HTR2C: variants seen among roughly 807,000 people sequenced by gnomAD.
HTR2C encodes 5-hydroxytryptamine (serotonin) receptor 2C, G protein-coupled.
In HTR2C, 5 loss-of-function variants were observed where a neutral mutation model predicts 21.0. The ratio of observed to expected loss-of-function variants is 0.24; its 90% CI spans 0.12 to 0.50. The LOEUF (loss-of-function observed/expected upper bound fraction) is 0.50, where lower values mean the gene tolerates loss of function less well. Ranked by LOEUF, HTR2C falls within the 20% of genes least tolerant of loss-of-function variation. The pLI is 0.98. For synonymous variants in HTR2C, 150 were observed against 145.3 expected (o/e 1.03, Z -0.23); for missense variants, 271 against 371.2 (o/e 0.73, Z 2.22).
chrX:114,836,525 G>A (rs1439894250), intron 4 of HTR2C, among the ~76,000 whole-genome samples: 1 of 112,317 alleles, frequency 8.9e-6, no homozygotes, highest in African/African-American at 3.2e-5. Flanking sequence ...CTGACCCCTT[G>A]CGCTTCCCAA....
chrX:114,851,627 G>T (rs1017851075), intron 5 of HTR2C, among the ~76,000 whole-genome samples: 7 of 111,174 alleles, frequency 6.3e-5, no homozygotes, highest in Non-Finnish European at 1.1e-4. Flanking sequence ...GGATTCTTTT[G>T]TATTCAGTGT....
At chrX:114,843,057 A>T (rs1370280853) in intron 4 of HTR2C, among the ~76,000 whole-genome samples, 1 of 111,907 alleles carries the variant, frequency 8.9e-6, no homozygotes, top group East Asian at 2.8e-4. Flanking sequence ...TTTTACCAAG[A>T]TTAAAAAGCA....
intron 4 of HTR2C, among the ~76,000 whole-genome samples, chrX:114,788,293 C>T (rs2070197777): frequency 9.1e-6 from 1 of 110,423 alleles, no homozygotes; most frequent in Non-Finnish European, 1.9e-5. Flanking sequence ...GGAGTTTCAT[C>T]CTTGTTGCCC....
At chrX:114,699,746 C>G in intron 2 of HTR2C, among the ~76,000 whole-genome samples, 1 of 111,912 alleles carries the variant, frequency 8.9e-6, no homozygotes, top group Middle Eastern at 4.8e-3. Flanking sequence ...AAGTCTACCT[C>G]CACAACTTCA....
At chrX:114,677,333 A>G (rs1556412909) in intron 2 of HTR2C, among the ~76,000 whole-genome samples, 2 of 111,634 alleles carry the variant, frequency 1.8e-5, no homozygotes, top group African/African-American at 6.5e-5. Flanking sequence ...ATGAAAGTTG[A>G]TGAGGGCCTA....
At chrX:114,854,777 A>T (rs1215108086) in intron 5 of HTR2C, among the ~76,000 whole-genome samples, 2 of 111,749 alleles carry the variant, frequency 1.8e-5, no homozygotes, top group Non-Finnish European at 3.8e-5. Flanking sequence ...CCACAGAGTG[A>T]ACAGATAACC....
intron 2 of HTR2C, among the ~76,000 whole-genome samples, chrX:114,687,757 G>C (rs781936967): frequency 6.7e-4 from 75 of 111,142 alleles, no homozygotes; most frequent in African/African-American, 1.7e-3. Context: ...CTTAACCAAC[G>C]GTCTCTTAAT....
intron 2 of HTR2C, among the ~76,000 whole-genome samples, chrX:114,723,348 G>A (rs1329590682): frequency 9.0e-6 from 1 of 111,521 alleles, no homozygotes; most frequent in East Asian, 2.8e-4. Flanking sequence ...ATTTCTGTGG[G>A]ATCAGTGGTA....
At chrX:114,681,870 T>G (rs1255543650) in intron 2 of HTR2C, among the ~76,000 whole-genome samples, 1 of 111,384 alleles carries the variant, frequency 9.0e-6, no homozygotes, top group Non-Finnish European at 1.9e-5. Context: ...AATAACTACG[T>G]TCCCCTTTCC....
At chrX:114,798,455 A>G (rs1192740110) in intron 4 of HTR2C, among the ~76,000 whole-genome samples, 2 of 111,618 alleles carry the variant, frequency 1.8e-5, no homozygotes, top group African/African-American at 6.5e-5. Flanking sequence ...AAAATCATGT[A>G]ATTATTGATT....
intron 2 of HTR2C, among the ~76,000 whole-genome samples, chrX:114,676,084 G>T (rs1410647603): frequency 9.0e-6 from 1 of 110,502 alleles, no homozygotes; most frequent in Admixed American, 9.7e-5. Context: ...TGGCCAGGCT[G>T]GTTTCGAACT....
intron 2 of HTR2C, among the ~76,000 whole-genome samples, chrX:114,640,264 A>C (rs1447417672): frequency 8.9e-6 from 1 of 112,002 alleles, no homozygotes; most frequent in African/African-American, 3.2e-5. Flanking sequence ...GGATATTGTC[A>C]GTCTCTACAT....
chrX:114,666,080 A>G (rs1931165309), intron 2 of HTR2C, among the ~76,000 whole-genome samples: 1 of 111,863 alleles, frequency 8.9e-6, no homozygotes, highest in African/African-American at 3.3e-5. Flanking sequence ...ATTTGCAACC[A>G]AATTATATCT....
At chrX:114,851,990 C>T (rs2070921640) in intron 5 of HTR2C, among the ~76,000 whole-genome samples, 1 of 111,160 alleles carries the variant, frequency 9.0e-6, no homozygotes, top group Admixed American at 9.6e-5. Context: ...TGTCCCCAAA[C>T]CATTGATATA....
chrX:114,702,977 C>G (rs28831428), intron 2 of HTR2C, among the ~76,000 whole-genome samples: 1 of 69,764 alleles, frequency 1.4e-5, no homozygotes, highest in African/African-American at 4.6e-5. Context: ...CATTACATAA[C>G]GGTAAAGGGA....
chrX:114,843,416 G>A (rs971678655), intron 4 of HTR2C, among the ~76,000 whole-genome samples: 3 of 111,616 alleles, frequency 2.7e-5, no homozygotes, highest in African/African-American at 6.5e-5. Context: ...CAGGTCAATT[G>A]TGATTATCCA....
At chrX:114,605,628 G>T (rs1285465833) in intron 1 of HTR2C, among the ~76,000 whole-genome samples, 1 of 111,296 alleles carries the variant, frequency 9.0e-6, no homozygotes, top group African/African-American at 3.3e-5. Context: ...TGGCTATTTG[G>T]AACTACTGTC....
intron 2 of HTR2C, among the ~76,000 whole-genome samples, chrX:114,633,934 A>G (rs183726582): frequency 0.3 from 10,535 of 34,990 alleles, 595 homozygotes; most frequent in Middle Eastern, 0.59. Context: ...ATGCATGTGT[A>G]TATATATATA....
chrX:114,864,327 C>T (rs1356424895), intron 5 of HTR2C, among the ~76,000 whole-genome samples: 4 of 110,679 alleles, frequency 3.6e-5, no homozygotes, highest in East Asian at 2.8e-4. Context: ...TTGTGGCTAC[C>T]GTGAGGCTTA....
Sources: gnomAD v4.1 joint callset for allele counts (sites outside exome capture counted in the v4.1 genomes callset) on GRCh38, gnomAD v4.1.1 for gene constraint, MANE v1.5 for transcripts, NCBI Gene and HGNC (gene_info 2026-07-23, HGNC 2026-07-21) for gene names.